MTUS1: variants seen among roughly 807,000 people sequenced by gnomAD.
MTUS1 encodes microtubule-associated tumor suppressor 1.
Under a neutral mutation model 120.8 loss-of-function variants are expected in MTUS1, and 109 were observed. That is an observed-to-expected ratio of 0.90 (90% CI 0.77 to 1.06). MTUS1 has a LOEUF of 1.06. MTUS1 is among the 50% of genes least tolerant of loss of function. The pLI, the probability that MTUS1 is intolerant of heterozygous loss-of-function variation, is 0.00. For missense variants in MTUS1, 2,210 were observed against 1,486.3 expected, an observed-to-expected ratio of 1.49 and a Z score of -8.01; for synonymous variants, 737 against 550.5, an observed-to-expected ratio of 1.34 and a Z score of -4.74.
At chr8:17,795,013 G>C (rs925649290) in intron 1 of MTUS1, among the ~76,000 whole-genome samples, 24 of 152,126 alleles carry the variant, frequency 1.6e-4, no homozygotes, top group Admixed American at 1.6e-3. Context: ...ATTTGTCACT[G>C]AACACTGCTG....
chr8:17,749,232 A>C (rs2048002102), intron 2 of MTUS1, among the ~76,000 whole-genome samples: 1 of 151,558 alleles, frequency 6.6e-6, no homozygotes, highest in Non-Finnish European at 1.5e-5. Flanking sequence ...TTTACAATCA[A>C]CTCCCCCTGA....
chr8:17,653,428 T>A lies in MTUS1; in HGVS notation c.3285A>T (p.Leu1095=), dbSNP rs767584745. Residue 1095 remains leucine (L), a synonymous_variant, in exon 11 of 15, where the codon CTA becomes CTT. Coordinates refer to ENST00000693296, the MANE Select transcript of MTUS1 (RefSeq NM_001363059.2). The part of the protein sequence containing the change: ...EDLLSEKQES[L]EKQINDLKSE... ...TGGGATATTGACATTCACCCACCTCTAGCGATTCCTGCTTCTCAGAAAGTA... is the reference window on the plus strand; with the variant it reads ...TGGGATATTGACATTCACCCACCTCAAGCGATTCCTGCTTCTCAGAAAGTA... 3.7e-6 allele frequency: 6 copies of A among 1,608,740 alleles called. No individual in the cohort carries two copies. Among genetic ancestry groups the A allele is most frequent in the Non-Finnish European group, 5.1e-6 (6 of 1,177,124 alleles).
At chr8:17,717,293 C>A (rs1243307667) in intron 4 of MTUS1, among the ~76,000 whole-genome samples, 1 of 152,190 alleles carries the variant, frequency 6.6e-6, no homozygotes, top group Non-Finnish European at 1.5e-5. Flanking sequence ...AACCTAGAGA[C>A]TTGGCTTTTC....
At chr8:17,740,332 C>T (rs554237431) in intron 3 of MTUS1, among the ~76,000 whole-genome samples, 1 of 152,208 alleles carries the variant, frequency 6.6e-6, no homozygotes, top group African/African-American at 2.4e-5. Flanking sequence ...TGGTTTTCTA[C>T]TTAAGTGTTC....
At chr8:17,728,353 C>T (rs1310269942) in intron 3 of MTUS1, among the ~76,000 whole-genome samples, 1 of 152,176 alleles carries the variant, frequency 6.6e-6, no homozygotes, top group Non-Finnish European at 1.5e-5. Context: ...GAGCCACTTG[C>T]CGTGGCCTCC....
chr8:17,675,298 C>G (rs765547259), intron 7 of MTUS1, 46 bp from the exon 8 acceptor site: 1 of 1,571,388 alleles, frequency 6.4e-7, no homozygotes, highest in Non-Finnish European at 8.8e-7. Context: ...AAGAGGGTCC[C>G]TTTCAGTAAG....
At chr8:17,656,545 A>ACCCCCCC (rs141775374) in intron 8 of MTUS1, among the ~76,000 whole-genome samples, 15 of 105,968 alleles carry the variant, frequency 1.4e-4, no homozygotes, top group Non-Finnish European at 2.0e-4. Context: ...AACAAACAAA[A>ACCCCCCC]CCCCCCCCCA....
At chr8:17,650,194 T>A (rs982361118) in intron 12 of MTUS1, among the ~76,000 whole-genome samples, 1 of 152,202 alleles carries the variant, frequency 6.6e-6, no homozygotes, top group African/African-American at 2.4e-5. Flanking sequence ...TATGCAAAAA[T>A]GTGAGTTGCA....
chr8:17,644,293 G>A lies in MTUS1; in HGVS notation c.*1633C>T, dbSNP rs1805391494. ...ACTAATTTAAAAGAACATGCAACAT[G>A]AGTATCAACTTGCTATGTAGTGTAC... On this transcript the variant is annotated 3_prime_UTR_variant, in exon 15 of 15. Transcript: ENST00000693296. The A allele has an allele frequency of 1.3e-5, 2 of 152,630 alleles. No individual in the cohort carries two copies. Among genetic ancestry groups the A allele is most frequent in the South Asian group, 2.1e-4 (1 of 4,830 alleles). The allele number at this position is 152,630 out of a possible 1,614,324, so 9.5% of individuals were successfully genotyped here. A position where few individuals can be genotyped will look rare whatever the true frequency, so the allele number is the denominator to read the frequency against.
intron 7 of MTUS1, among the ~76,000 whole-genome samples, chr8:17,676,720 C>T (rs541687220): frequency 2.5e-4 from 38 of 152,174 alleles, no homozygotes; most frequent in African/African-American, 8.9e-4. Flanking sequence ...CTTTTTCTTC[C>T]CCTCTCTAAT....
chr8:17,722,044 A>C (rs2045885988), intron 4 of MTUS1: 1 of 1,314,792 alleles, frequency 7.6e-7, no homozygotes, highest in African/African-American at 1.5e-5. Flanking sequence ...AAACAGATTA[A>C]ACCAGCTAGC....
At chr8:17,790,347 CAA>C (rs5889733) in intron 1 of MTUS1, among the ~76,000 whole-genome samples, 230 of 134,960 alleles carry the variant, frequency 1.7e-3, no homozygotes, top group Non-Finnish European at 1.8e-3. Flanking sequence ...GATTCCCTTT[CAA>C]AAAAAAAAAA....
intron 8 of MTUS1, among the ~76,000 whole-genome samples, chr8:17,660,250 G>A (rs1362262906): frequency 6.6e-6 from 1 of 152,138 alleles, no homozygotes; most frequent in African/African-American, 2.4e-5. Context: ...GCGCACGTCT[G>A]TAGTCCCAGC....
At chr8:17,721,949 C>A in intron 4 of MTUS1, 1 of 1,575,156 alleles carries the variant, frequency 6.3e-7, no homozygotes, top group South Asian at 1.2e-5. Context: ...CAGCCATGTT[C>A]ACTCTCATAT....
intron 8 of MTUS1, among the ~76,000 whole-genome samples, chr8:17,672,098 G>C (rs1358799134): frequency 6.6e-6 from 1 of 152,106 alleles, no homozygotes; most frequent in African/African-American, 2.4e-5. Context: ...CTCTGATGAG[G>C]TCTCATTTCC....
Position 17,645,168 on chromosome 8 carries a change from T to C in MTUS1, c.*758A>G, listed in dbSNP as rs2129928394. On this transcript the variant is annotated 3_prime_UTR_variant, in exon 15 of 15. Transcript: ENST00000693296. Reference sequence around the variant, plus strand: ...TAGGCTCACATGGGTAAGTAAAAAATCTACAGAAAAATCTAGTTTCAACTG... The same window carrying C: ...TAGGCTCACATGGGTAAGTAAAAAACCTACAGAAAAATCTAGTTTCAACTG... 6.6e-6 allele frequency: 1 copy of C among 152,566 alleles called. No homozygotes were observed. The highest frequency in any genetic ancestry group is 2.4e-5 in the African/African-American group (1 of 41,526). 9.5% of individuals were successfully genotyped at this position (152,566 alleles called of 1,614,324 possible).
At chr8:17,737,052 T>C (rs573032736) in intron 3 of MTUS1, among the ~76,000 whole-genome samples, 8 of 152,280 alleles carry the variant, frequency 5.3e-5, no homozygotes, top group Admixed American at 4.6e-4. Flanking sequence ...CCCCACATTC[T>C]CCTTCACACA....
At chr8:17,770,568 A>T (rs1198146737) in intron 1 of MTUS1, 2 of 152,236 alleles carry the variant, frequency 1.3e-5, no homozygotes, top group East Asian at 3.8e-4. Context: ...CAATGCAGAA[A>T]CTGCAACCAG....
chr8:17,749,248 G>A (rs192903478), intron 2 of MTUS1, among the ~76,000 whole-genome samples: 127 of 152,236 alleles, frequency 8.3e-4, no homozygotes, highest in African/African-American at 3.0e-3. Flanking sequence ...CCTGAAGCCG[G>A]CTACCTGAAG....
Sources: allele counts gnomAD v4.1 joint callset (sites outside exome capture counted in the v4.1 genomes callset), GRCh38; gene constraint gnomAD v4.1.1; transcripts MANE v1.5; gene names NCBI Gene and HGNC (gene_info 2026-07-23, HGNC 2026-07-21).